Variants in RAI1 observed in about 807,000 individuals in gnomAD.
RAI1 encodes retinoic acid induced 1, also known as retinoic acid-induced protein 1.
Under a neutral mutation model 123.8 loss-of-function variants are expected in RAI1, and 9 were observed. The observed-to-expected ratio is 0.07, with a 90% confidence interval of 0.04 to 0.13. RAI1 has a LOEUF of 0.13. Ranked by LOEUF, RAI1 falls within the 10% of genes least tolerant of loss-of-function variation. The pLI, the probability that RAI1 is intolerant of heterozygous loss-of-function variation, is 1.00. For missense variants in RAI1, 2,256 were observed against 2,545.8 expected (o/e 0.89, Z 2.45); for synonymous variants, 1,231 against 1,127.3 (o/e 1.09, Z -1.84).
At chr17:17,782,868 T>A (rs1364358039) in intron 2 of RAI1, among the ~76,000 whole-genome samples, 1 of 152,154 alleles carries the variant, frequency 6.6e-6, no homozygotes, top group Admixed American at 6.5e-5. Flanking sequence ...CTTCGCGTCC[T>A]CGCCCTTACC....
rs765448317 is a variant in RAI1, at chr17:17,796,122, T to C, written c.3174T>C (p.Arg1058=). ...ASEGLPRMCT[R]SLTALSEPRT... ...AAGGGCTCCCCAGGATGTGTACTCG[T>C]TCTCTCACGGCCCTGAGTGAGCCCC... Residue 1058 remains arginine, a synonymous_variant, in exon 3 of 6, where the codon CGT becomes CGC. Transcript: ENST00000353383. This position sits in a 1 kb window ranked among gnomAD's most constrained non-coding sequence, Gnocchi z 5.8. The C allele has an allele frequency of 6.3e-6, 10 of 1,584,526 alleles. No homozygotes were observed. Among genetic ancestry groups the C allele is most frequent in the Admixed American group, 3.6e-5 (2 of 55,994 alleles).
At chr17:17,739,656 C>G (rs1039500355) in intron 2 of RAI1, among the ~76,000 whole-genome samples, 2 of 152,236 alleles carry the variant, frequency 1.3e-5, no homozygotes, top group African/African-American at 4.8e-5. Context: ...GCCTGCTTCC[C>G]CTGACCTCTG....
intron 2 of RAI1, among the ~76,000 whole-genome samples, chr17:17,737,270 G>C (rs986106493): frequency 3.3e-5 from 5 of 152,186 alleles, no homozygotes; most frequent in Non-Finnish European, 2.9e-5. Flanking sequence ...CACTTGAGGA[G>C]GCAATAGGGG....
chr17:17,751,667 C>A (rs1255564640), intron 2 of RAI1, among the ~76,000 whole-genome samples: 2 of 152,196 alleles, frequency 1.3e-5, no homozygotes, highest in African/African-American at 2.4e-5. Context: ...GGCCTTTGCA[C>A]GCACTGGCCG....
intron 2 of RAI1, among the ~76,000 whole-genome samples, chr17:17,791,073 C>G (rs1186025508): frequency 6.6e-6 from 1 of 152,246 alleles, no homozygotes; most frequent in Admixed American, 6.5e-5. Context: ...GGGAGAGGAG[C>G]TGGAGCAGAG....
chr17:17,718,052 G>C (rs549719366), intron 1 of RAI1, among the ~76,000 whole-genome samples: 2 of 152,278 alleles, frequency 1.3e-5, no homozygotes, highest in South Asian at 4.1e-4. Context: ...GGCAGAAGAC[G>C]CCTCGGTCTT....
chr17:17,803,841 G>A lies in RAI1; in HGVS notation c.5651G>A (p.Ser1884Asn), dbSNP rs1264754848. The change falls in exon 4 of 6, where the codon AGC (serine) becomes AAC (asparagine). Residue 1884 changes from serine (S) to asparagine (N), a missense_variant. Transcript: ENST00000353383. ...CLHTYHYPCASDAGCIFIEEN... is the reference protein window; with the variant it reads ...CLHTYHYPCANDAGCIFIEEN... Reference sequence around the variant, plus strand: ...CACACCTACCACTACCCGTGTGCCAGCGATGCAGGTACGAGCCCGCCCAGG... The same window carrying A: ...CACACCTACCACTACCCGTGTGCCAACGATGCAGGTACGAGCCCGCCCAGG... 3 of 1,613,388 alleles carry A rather than the reference G, an allele frequency of 1.9e-6. No homozygotes were observed. The highest frequency in any genetic ancestry group is 1.7e-4 in the Middle Eastern group (1 of 6,060).
At chr17:17,709,792 G>A (rs1231209441) in intron 1 of RAI1, among the ~76,000 whole-genome samples, 1 of 152,192 alleles carries the variant, frequency 6.6e-6, no homozygotes, top group Non-Finnish European at 1.5e-5. Flanking sequence ...AGCTCCGTGC[G>A]GGCCTGGGGT....
intron 1 of RAI1, among the ~76,000 whole-genome samples, chr17:17,722,699 A>T (rs1266919221): frequency 2.0e-5 from 3 of 152,080 alleles, no homozygotes; most frequent in Non-Finnish European, 2.9e-5. Context: ...CTTCCCGGCC[A>T]GTAGGCGTCT....
At chr17:17,723,766 C>T (rs1478419822) in intron 1 of RAI1, among the ~76,000 whole-genome samples, 1 of 149,234 alleles carries the variant, frequency 6.7e-6, no homozygotes, top group Non-Finnish European at 1.5e-5. Context: ...CATCGCGCGC[C>T]CCTCCCCGCG....
Position 17,681,573 on chromosome 17 carries a change from T to G in RAI1, c.-369T>G. The G allele has an allele frequency of 5.4e-6, 1 of 184,170 alleles. No individual in the cohort carries two copies. Among genetic ancestry groups the G allele is most frequent in the Admixed American group, 6.2e-5 (1 of 16,178 alleles). 11.4% of individuals were successfully genotyped at this position (184,170 alleles called of 1,614,324 possible). A position where few individuals can be genotyped will look rare whatever the true frequency, so the allele number is the denominator to read the frequency against. On this transcript the variant is annotated 5_prime_UTR_variant, in exon 1 of 6. Transcript: ENST00000353383. ...CCGCGGCTGGGCTCCGAGAGACGAG[T>G]GGGAGAGCGAGTGCAGCGAGGGCGA...
chr17:17,681,709 C>T lies in RAI1; in HGVS notation c.-233C>T, dbSNP rs867295126. ...GCCGCGGGCCGGCCGGGCCGCCGCG[C>T]CCCGACCCCCATGGCCACCCAGGCC... is the stretch of plus-strand genomic sequence containing the variant. On this transcript the variant is annotated 5_prime_UTR_variant, in exon 1 of 6. Coordinates refer to ENST00000353383, the MANE Select transcript of RAI1 (RefSeq NM_030665.4). The T allele has an allele frequency of 1.9e-4, 59 of 310,262 alleles. No individual in the cohort carries two copies. The highest frequency in any genetic ancestry group is 3.1e-4 in the African/African-American group (14 of 45,136). 19.2% of individuals were successfully genotyped at this position (310,262 alleles called of 1,614,324 possible).
chr17:17,713,153 C>T (rs1442015074), intron 1 of RAI1, among the ~76,000 whole-genome samples: 1 of 151,900 alleles, frequency 6.6e-6, no homozygotes, highest in African/African-American at 2.4e-5. Flanking sequence ...TGAATTATAC[C>T]TCAAAAAAAA....
rs1224096933 is a variant in RAI1 at position 17,714,565 on chromosome 17, C to T, written c.-148-9463C>T. On this transcript the variant is annotated intron_variant, in intron 1 of 5. Transcript: ENST00000353383. The surrounding 1 kb of genome is among the most constrained non-coding windows in gnomAD (Gnocchi z 4.9). ...TTTATGCACTCATTTCTATTTATCA[C>T]CAGCAAATCCCGGGCCCTGCTGTTC... Among the ~76,000 whole-genome samples, 1 of 152,202 alleles carries T rather than the reference C, an allele frequency of 6.6e-6. No homozygotes were observed. The highest frequency in any genetic ancestry group is 1.5e-5 in the Non-Finnish European group (1 of 68,040).
At position 17,744,907 on chromosome 17, in the gene RAI1, CTGTT is replaced by C. The variant is rs560883050; in HGVS notation, c.-17+20752_-17+20755del. ...ACTAGTGTAATCTGAGTCTTTGACT[CTGTT>C]TGTGGGCATTTACATACACAATTAA... On this transcript the variant is annotated intron_variant, in intron 2 of 5. Transcript: ENST00000353383. Among the ~76,000 whole-genome samples, 711 of 151,802 alleles carry C rather than the reference CTGTT, an allele frequency of 4.7e-3. 1 individual carries two copies. The highest frequency in any genetic ancestry group is 7.5e-3 in the Non-Finnish European group (507 of 67,982).
At chr17:17,751,333 A>G (rs1458491584) in intron 2 of RAI1, among the ~76,000 whole-genome samples, 1 of 152,238 alleles carries the variant, frequency 6.6e-6, no homozygotes. Context: ...TGCAAAGGCT[A>G]AGAGAGCCTG....
chr17:17,750,699 A>G (rs922949982), intron 2 of RAI1, among the ~76,000 whole-genome samples: 4 of 150,952 alleles, frequency 2.6e-5, no homozygotes, highest in Admixed American at 2.0e-4. Flanking sequence ...CAAAAAAAAA[A>G]AAAAAAAAAA....
At chr17:17,753,957 C>G (rs74879484) in intron 2 of RAI1, among the ~76,000 whole-genome samples, 1 of 152,298 alleles carries the variant, frequency 6.6e-6, no homozygotes, top group African/African-American at 2.4e-5. Context: ...TGCATTGGAT[C>G]TCAAGGTCTC....
In RAI1 at chr17:17,811,424, C is replaced by G; in HGVS notation, c.*1443C>G. ...TTCAGAAAAAAAAAAAAAAAAAAGTCAATAAAGATACAACGATTGTTTTGG... is the reference window on the plus strand; with the variant it reads ...TTCAGAAAAAAAAAAAAAAAAAAGTGAATAAAGATACAACGATTGTTTTGG... On this transcript the variant is annotated 3_prime_UTR_variant, in exon 6 of 6. Transcript: ENST00000353383. 6.0e-6 allele frequency: 1 copy of G among 166,538 alleles called. No homozygotes were observed. Among genetic ancestry groups the G allele is most frequent in the Non-Finnish European group, 1.2e-5 (1 of 83,656 alleles). 10.3% of individuals were successfully genotyped at this position (166,538 alleles called of 1,614,324 possible).
Sources: gnomAD v4.1 joint callset for allele counts (sites outside exome capture counted in the v4.1 genomes callset) on GRCh38, gnomAD v4.1.1 for gene constraint, Gnocchi (gnomAD v3.1) non-coding constraint, MANE v1.5 for transcripts, NCBI Gene and HGNC (gene_info 2026-07-23, HGNC 2026-07-21) for gene names.